The following ANO10 variants were observed in gnomAD, a reference collection of about 807,000 sequenced individuals.
ANO10 encodes the protein anoctamin 10.
In ANO10, 77 loss-of-function variants were observed where a neutral mutation model predicts 74.7. The observed-to-expected ratio is 1.03, with a 90% CI of 0.86 to 1.25. The LOEUF is 1.25. ANO10 is among the 50% of genes most tolerant of loss of function. The pLI is 0.00. For missense variants in ANO10, 721 were observed against 778.1 expected (o/e 0.93, Z 0.87); for synonymous variants, 279 against 284.9 (o/e 0.98, Z 0.21).
intron 1 of ANO10, among the ~76,000 whole-genome samples, chr3:43,648,174 G>A (rs1221003340): frequency 1.3e-5 from 2 of 152,190 alleles, no homozygotes; most frequent in African/African-American, 4.8e-5. Flanking sequence ...AAATAAAAAT[G>A]CATTCATTAA....
intron 4 of ANO10, among the ~76,000 whole-genome samples, chr3:43,589,923 C>A (rs1054981398): frequency 6.6e-6 from 1 of 152,110 alleles, no homozygotes; most frequent in African/African-American, 2.4e-5. Context: ...ACAATATACT[C>A]CCCATTTGTC....
At chr3:43,575,680 C>T (rs1289547346) in intron 6 of ANO10, among the ~76,000 whole-genome samples, 1 of 152,120 alleles carries the variant, frequency 6.6e-6, no homozygotes, top group African/African-American at 2.4e-5. Flanking sequence ...CTCTGTCGCC[C>T]AGACTAGACT....
At chr3:43,538,298 A>G (rs2078805809) in intron 11 of ANO10, among the ~76,000 whole-genome samples, 1 of 152,218 alleles carries the variant, frequency 6.6e-6, no homozygotes, top group South Asian at 2.1e-4. Flanking sequence ...ATATGAATTT[A>G]AGAACAGCAT....
intron 7 of ANO10, among the ~76,000 whole-genome samples, chr3:43,574,052 T>G (rs1029901791): frequency 6.6e-6 from 1 of 151,580 alleles, no homozygotes; most frequent in Non-Finnish European, 1.5e-5. Flanking sequence ...CCTCCTGGGT[T>G]CAAGCGATTC....
chr3:43,392,604 C>T (rs1166234368), intron 12 of ANO10, among the ~76,000 whole-genome samples: 1 of 152,204 alleles, frequency 6.6e-6, no homozygotes, highest in Non-Finnish European at 1.5e-5. Flanking sequence ...TGTTTATCCC[C>T]TTATATATAT....
At chr3:43,463,047 G>T (rs188407102) in intron 11 of ANO10, among the ~76,000 whole-genome samples, 29 of 152,304 alleles carry the variant, frequency 1.9e-4, no homozygotes, top group Admixed American at 8.5e-4. Context: ...GCAGGGGCGG[G>T]GCTCTCATGG....
chr3:43,577,615 G>A (rs1281656166), intron 5 of ANO10, among the ~76,000 whole-genome samples: 1 of 152,162 alleles, frequency 6.6e-6, no homozygotes, highest in Non-Finnish European at 1.5e-5. Flanking sequence ...CATGTCCACT[G>A]AACATTAATT....
chr3:43,410,123 C>A (rs546766260), intron 12 of ANO10, among the ~76,000 whole-genome samples: 2 of 151,796 alleles, frequency 1.3e-5, no homozygotes, highest in African/African-American at 2.4e-5. Context: ...TCTTCCCTTA[C>A]GAAATCTTCC....
At chr3:43,372,993 T>C in intron 12 of ANO10, 1 of 810,102 alleles carries the variant, frequency 1.2e-6, no homozygotes, top group Non-Finnish European at 1.9e-6. Context: ...GAAGTCAGCA[T>C]CACTCTCTGG....
At chr3:43,484,900 G>T in intron 11 of ANO10, 1 of 672,418 alleles carries the variant, frequency 1.5e-6, no homozygotes, top group Non-Finnish European at 2.5e-6. Flanking sequence ...AGCATTTACA[G>T]TTTATGTCTT....
chr3:43,414,997 C>T lies in ANO10; in HGVS notation c.1914+17614G>A, dbSNP rs569957239. Among the ~76,000 whole-genome samples the T allele has an allele frequency of 1.3e-4, 12 of 92,538 alleles. No homozygotes were observed. The Admixed American group carries it at 1.7e-3, about 13-fold the overall frequency. 60.7% of individuals were successfully genotyped at this position (92,538 alleles called of 152,430 possible). On this transcript the variant is annotated intron_variant, in intron 12 of 12. Coordinates refer to ENST00000292246, the MANE Select transcript of ANO10 (RefSeq NM_018075.5). ...TTTTTTTTTTTTTTTTTTTTTGAGA[C>T]AGGGTCTTACTCTGTCACCCAGGCT...
chr3:43,592,445 T>C (rs2081834522), intron 4 of ANO10, among the ~76,000 whole-genome samples: 1 of 152,216 alleles, frequency 6.6e-6, no homozygotes, highest in Admixed American at 6.5e-5. Flanking sequence ...TCTGCAATAT[T>C]TGCAGTTCTG....
At chr3:43,614,770 A>AATATATATATATATATAT (rs2083000729) in intron 1 of ANO10, among the ~76,000 whole-genome samples, 1 of 30,386 alleles carries the variant, frequency 3.3e-5, no homozygotes, top group African/African-American at 9.4e-5. Context: ...AGAAAACTAA[A>AATATATATATATATATAT]CTATATATAT....
chr3:43,489,465 C>T (rs550576099), intron 11 of ANO10, among the ~76,000 whole-genome samples: 9 of 152,138 alleles, frequency 5.9e-5, no homozygotes, highest in Admixed American at 3.3e-4. Flanking sequence ...CCCATGTACA[C>T]GTTAAATAAA....
At chr3:43,562,387 G>C (rs2080082846) in intron 8 of ANO10, among the ~76,000 whole-genome samples, 1 of 147,204 alleles carries the variant, frequency 6.8e-6, no homozygotes, top group Admixed American at 7.0e-5. Context: ...AGGAGGCGGA[G>C]CTTGCAGTAA....
intron 11 of ANO10, among the ~76,000 whole-genome samples, chr3:43,521,746 A>C (rs1350799274): frequency 6.6e-6 from 1 of 152,218 alleles, no homozygotes; most frequent in Non-Finnish European, 1.5e-5. Context: ...GTTTCTCAAA[A>C]AATTAAACAC....
At chr3:43,474,847 G>C (rs1444716511) in intron 11 of ANO10, among the ~76,000 whole-genome samples, 2 of 152,068 alleles carry the variant, frequency 1.3e-5, no homozygotes, top group South Asian at 2.1e-4. Context: ...TAGTCAAGAG[G>C]GGAGTTTGAA....
chr3:43,401,105 C>T (rs927540955), intron 12 of ANO10, among the ~76,000 whole-genome samples: 6 of 152,152 alleles, frequency 3.9e-5, no homozygotes, highest in Non-Finnish European at 8.8e-5. Flanking sequence ...TGAGAGACTT[C>T]GCTTTTTCCT....
intron 11 of ANO10, among the ~76,000 whole-genome samples, chr3:43,444,726 T>C (rs1409265841): frequency 6.6e-6 from 1 of 152,114 alleles, no homozygotes. Context: ...CCTCCTGTGG[T>C]CACCTGACAC....
Sources: gnomAD v4.1 joint callset for allele counts (sites outside exome capture counted in the v4.1 genomes callset) on GRCh38, gnomAD v4.1.1 for gene constraint, MANE v1.5 for transcripts, NCBI Gene and HGNC (gene_info 2026-07-23, HGNC 2026-07-21) for gene names.